Variants in RNF213 observed in about 807,000 individuals in gnomAD.
RNF213 encodes the protein ring finger protein 213.
Under a neutral mutation model 514.4 loss-of-function variants are expected in RNF213, and 341 were observed. That is an observed-to-expected ratio of 0.66 (90% CI 0.61 to 0.73). The LOEUF is 0.73. RNF213 is among the 30% of genes least tolerant of loss of function. The pLI is 0.00. For synonymous variants in RNF213, 2,655 were observed against 2,658.2 expected (o/e 1.00, Z 0.04); for missense variants, 5,767 against 6,615.6 (o/e 0.87, Z 4.45).
chr17:80,303,642 C>A (rs1374384893), intron 11 of RNF213, among the ~76,000 whole-genome samples: 8 of 150,672 alleles, frequency 5.3e-5, no homozygotes, highest in African/African-American at 1.5e-4. Context: ...CTGGTCACTG[C>A]AACCTTCGCC....
rs1336481074 is a variant in RNF213, at chr17:80,382,967, G to GT, written c.13979-5dup. On this transcript the variant is annotated splice_polypyrimidine_tract_variant and intron_variant, in intron 57 of 67. Coordinates refer to ENST00000582970, the MANE Select transcript of RNF213 (RefSeq NM_001256071.3). ...GCCTTGGGTAACCTACACATTTGGAGTTTTTTTGTAGGGCTTTTAAATTTT... is the reference window on the plus strand; with the variant it reads ...GCCTTGGGTAACCTACACATTTGGAGTTTTTTTTGTAGGGCTTTTAAATTTT... 4 of 1,599,684 alleles carry GT rather than the reference G, an allele frequency of 2.5e-6. No individual in the cohort carries two copies. The highest frequency in any genetic ancestry group is 2.2e-5 in the South Asian group (2 of 90,772).
chr17:80,358,622 G>A, intron 37 of RNF213, 143 bp downstream of exon 37: 1 of 763,994 alleles, frequency 1.3e-6, no homozygotes, highest in Admixed American at 2.0e-5. Flanking sequence ...GTAACAATAG[G>A]AAGTTTGGCC....
chr17:80,367,193 A>G (rs559883536), intron 42 of RNF213, among the ~76,000 whole-genome samples: 3 of 152,338 alleles, frequency 2.0e-5, no homozygotes, highest in South Asian at 4.1e-4. Flanking sequence ...AAAACATTCA[A>G]AATAATAACT....
chr17:80,376,769 T>C, intron 52 of RNF213, 113 bp from the exon 53 acceptor site: 1 of 1,145,814 alleles, frequency 8.7e-7, no homozygotes, highest in East Asian at 2.5e-5. Flanking sequence ...GCTTGAGAAG[T>C]CCAGCAGAAG....
chr17:80,310,585 T>C (rs2045536844), intron 14 of RNF213, among the ~76,000 whole-genome samples: 1 of 150,848 alleles, frequency 6.6e-6, no homozygotes, highest in Non-Finnish European at 1.5e-5. Flanking sequence ...AGAGTTTCAC[T>C]CTTGTTGCCC....
At chr17:80,364,276 G>A (rs559116557) in intron 41 of RNF213, among the ~76,000 whole-genome samples, 157 bp from the exon 42 acceptor site, 39 of 152,260 alleles carry the variant, frequency 2.6e-4, no homozygotes, top group African/African-American at 7.2e-5. Context: ...AGCTGGGGGC[G>A]GGCCAGGAAG....
At position 80,377,785 on chromosome 17, in the gene RNF213, T is replaced by C; in HGVS notation, c.13534T>C (p.Ser4512Pro). 6.2e-7 allele frequency: 1 copy of C among 1,614,166 alleles called. No individual in the cohort carries two copies. The highest frequency in any genetic ancestry group is 8.5e-7 in the Non-Finnish European group (1 of 1,180,020). ...AGCTTGTCCCAACGGCCATCCTTGCTCCGTGGGAGAGGTGAGTCTTGGTAT... is the reference window on the plus strand; with the variant it reads ...AGCTTGTCCCAACGGCCATCCTTGCCCCGTGGGAGAGGTGAGTCTTGGTAT... ...WYTCPNGHPC[S>P]VGECGRPMEQ... Residue 4512 changes from serine (S) to proline (P), a missense_variant, in exon 54 of 68, where the codon TCC (serine) becomes CCC (proline). Around this residue, in one of 13 missense-constraint regions of RNF213, gnomAD observed 1,245 missense variants for 1,339.0 expected, o/e 0.93. Transcript: ENST00000582970. The surrounding 1 kb of genome is among the most constrained non-coding windows in gnomAD (Gnocchi z 4.1).
At chr17:80,352,121 G>A (rs1485838860) in intron 32 of RNF213, 2 of 277,846 alleles carry the variant, frequency 7.2e-6, no homozygotes, top group Admixed American at 5.0e-5. Flanking sequence ...CCAAAGTGCT[G>A]GGATTACAGG....
intron 61 of RNF213, among the ~76,000 whole-genome samples, chr17:80,385,966 A>T (rs1237921243): frequency 6.6e-6 from 1 of 152,222 alleles, no homozygotes; most frequent in Admixed American, 6.5e-5. Context: ...GCGCCCAGCC[A>T]GCACTGTTAA....
chr17:80,381,973 CT>C lies in RNF213; in HGVS notation c.13978+247del, dbSNP rs1430701293. On this transcript the variant is annotated intron_variant, in intron 57 of 67. Coordinates refer to ENST00000582970, the MANE Select transcript of RNF213 (RefSeq NM_001256071.3). The stretch of plus-strand genomic sequence containing the variant: ...GCTGCTCTGTTCCCTCCATTCACCC[CT>C]GCCTGGCTAAGACCTGCGGTATTCG... 7 of 525,102 alleles carry C rather than the reference CT, an allele frequency of 1.3e-5. No individual in the cohort carries two copies. The African/African-American group carries it at 1.3e-4, about 10-fold the overall frequency. The allele number at this position is 525,102 out of a possible 1,614,324, so 32.5% of individuals were successfully genotyped here.
chr17:80,385,757 C>G (rs2080211440), intron 61 of RNF213, 136 bp downstream of exon 61: 2 of 770,862 alleles, frequency 2.6e-6, no homozygotes, highest in African/African-American at 1.7e-5. Flanking sequence ...GAGTCTTGCT[C>G]TGTCGCCAGG....
At chr17:80,349,047 C>T (rs954496302) in intron 29 of RNF213, among the ~76,000 whole-genome samples, 2 of 152,002 alleles carry the variant, frequency 1.3e-5, no homozygotes, top group Non-Finnish European at 2.9e-5. Flanking sequence ...CAGATGGAAC[C>T]GAGAGATACT....
rs759315069 is a variant in RNF213, at chr17:80,345,931, G to A, written c.7596G>A (p.Glu2532=). The change falls in exon 29 of 68, where the codon GAG becomes GAA. Residue 2532 remains glutamate (E), a synonymous_variant. Transcript: ENST00000582970. The surrounding 1 kb of genome is among the most constrained non-coding windows in gnomAD (Gnocchi z 6.0). ...GCAATCCATACCGGAAGCACTCTGAGGAGATGATCTGCCGTTTGGAGTCAG... is the reference window on the plus strand; with the variant it reads ...GCAATCCATACCGGAAGCACTCTGAAGAGATGATCTGCCGTTTGGAGTCAG... ...AACNPYRKHS[E]EMICRLESAG... The A allele has an allele frequency of 6.2e-7, 1 of 1,614,240 alleles. No homozygotes were observed. Among genetic ancestry groups the A allele is most frequent in the South Asian group, 1.1e-5 (1 of 91,078 alleles).
rs1330055898 is a variant in RNF213 at position 80,363,166 on chromosome 17, A to C, written c.11420A>C (p.Glu3807Ala). Residue 3807 changes from glutamate (E) to alanine (A), a missense_variant, in exon 40 of 68, where the codon GAA becomes GCA. By Grantham distance (107) the Glu-to-Ala change is moderately radical (BLOSUM62 -1). Transcript: ENST00000582970. ...AAAGCGGCGTCAGAAGCGCCCGAGG[A>C]AGAGGTTTCCTTACCGTGGGTGCAC... ...KLKAASEAPEEEVSLPWVHLA... is the reference protein window; with the variant it reads ...KLKAASEAPEAEVSLPWVHLA... 6.2e-7 allele frequency: 1 copy of C among 1,614,214 alleles called. No individual in the cohort carries two copies. Among genetic ancestry groups the C allele is most frequent in the East Asian group, 2.2e-5 (1 of 44,890 alleles).
chr17:80,369,173 T>G (rs2079405509), intron 44 of RNF213, among the ~76,000 whole-genome samples: 1 of 152,076 alleles, frequency 6.6e-6, no homozygotes, highest in Admixed American at 6.5e-5. Flanking sequence ...CCGAGGTGTG[T>G]GGATCACCTG....
intron 1 of RNF213, among the ~76,000 whole-genome samples, chr17:80,262,817 AG>A (rs1231495831): frequency 6.6e-6 from 1 of 152,030 alleles, no homozygotes; most frequent in East Asian, 1.9e-4. Flanking sequence ...GTGGGAGGAG[AG>A]GGCAGGGCCA....
rs761911208 is a variant in RNF213, at chr17:80,307,172, G to A, written c.2472G>A (p.Leu824=). Residue 824 remains leucine, a synonymous_variant, in exon 13 of 68, where the codon CTG becomes CTA. Transcript: ENST00000582970. Reference sequence around the variant, plus strand: ...ACGTTCAGAACATTTTAGAAATGCTGTTGCGACTCCTGGACACTTACCGGG... The same window carrying A: ...ACGTTCAGAACATTTTAGAAATGCTATTGCGACTCCTGGACACTTACCGGG... The part of the protein sequence containing the change: ...VQNVQNILEM[L]LRLLDTYRDK... 50 of 1,613,696 alleles carry A rather than the reference G, an allele frequency of 3.1e-5. No individual in the cohort carries two copies. In the East Asian group the frequency reaches 1.1e-3, roughly 35 times the overall value.
In RNF213 at chr17:80,390,119, A is replaced by G; in HGVS notation, c.15393A>G (p.Leu5131=). ...AGACTGGCCTAGACGCCTTCCTGCT[A>G]GAGCTGCACGAAATGATAATCTTGA... The part of the protein sequence containing the change: ...LNQTGLDAFL[L]ELHEMIILKL... Residue 5131 remains leucine, a synonymous_variant, in exon 67 of 68, where the codon CTA becomes CTG. Transcript: ENST00000582970. The G allele has an allele frequency of 1.9e-6, 3 of 1,614,202 alleles. No homozygotes were observed. Among genetic ancestry groups the G allele is most frequent in the Non-Finnish European group, 2.5e-6 (3 of 1,180,014 alleles).
intron 40 of RNF213, 90 bp downstream of exon 40, chr17:80,363,404 G>C: frequency 7.2e-7 from 1 of 1,393,846 alleles, no homozygotes; most frequent in Non-Finnish European, 1.0e-6. Context: ...TGTGTTCCAA[G>C]TGGGAGATTT....
Sources: allele counts gnomAD v4.1 joint callset (sites outside exome capture counted in the v4.1 genomes callset), GRCh38; gene constraint gnomAD v4.1.1; regional missense constraint gnomAD v4.1.1; non-coding constraint Gnocchi (gnomAD v3.1); transcripts MANE v1.5; gene names NCBI Gene and HGNC (gene_info 2026-07-23, HGNC 2026-07-21).